DOCK2: variants seen among roughly 807,000 people sequenced by gnomAD.
DOCK2 encodes the protein dedicator of cytokinesis 2, also known as dedicator of cytokinesis protein 2.
A neutral mutation model predicts 248.9 loss-of-function variants in DOCK2; 87 were observed. The observed-to-expected ratio is 0.35, with a 90% confidence interval of 0.29 to 0.42. DOCK2 has a LOEUF of 0.42. Ranked by LOEUF, DOCK2 falls within the 10% of genes least tolerant of loss-of-function variation. DOCK2 has a pLI of 1.00. For synonymous variants in DOCK2, 805 were observed against 821.6 expected (o/e 0.98, Z 0.35); for missense variants, 1,747 against 2,300.2 (o/e 0.76, Z 4.92).
chr5:169,849,382 C>A (rs182454668), intron 27 of DOCK2, among the ~76,000 whole-genome samples: 7 of 152,278 alleles, frequency 4.6e-5, no homozygotes, highest in East Asian at 1.9e-4. Context: ...GTTTTGGAGT[C>A]GCTGCCCTTA....
intron 25 of DOCK2, among the ~76,000 whole-genome samples, chr5:169,786,537 C>G (rs1765992548): frequency 1.3e-5 from 2 of 152,226 alleles, no homozygotes. Flanking sequence ...GAGCTGCCCT[C>G]TCTTGATGGC....
intron 26 of DOCK2, among the ~76,000 whole-genome samples, chr5:169,833,222 T>A (rs909466110): frequency 1.3e-5 from 2 of 152,196 alleles, no homozygotes; most frequent in African/African-American, 4.8e-5. Context: ...TGTATCACTA[T>A]CAGGTATATG....
At chr5:170,079,335 G>C in intron 49 of DOCK2, 189 bp downstream of exon 49, 9 of 712,402 alleles carry the variant, frequency 1.3e-5, no homozygotes, top group South Asian at 1.9e-5. Context: ...AGCTGGGGTG[G>C]CTGGGACATG....
intron 14 of DOCK2, among the ~76,000 whole-genome samples, chr5:169,704,801 G>GTT (rs1561618608): frequency 1.4e-5 from 2 of 138,362 alleles, no homozygotes; most frequent in Non-Finnish European, 3.1e-5. Flanking sequence ...GTGTGTGTGT[G>GTT]TGTGTATGTG....
At chr5:170,022,785 T>G (rs1428201624) in intron 33 of DOCK2, among the ~76,000 whole-genome samples, 2 of 152,204 alleles carry the variant, frequency 1.3e-5, no homozygotes, top group Non-Finnish European at 1.5e-5. Flanking sequence ...AAAGCTGGTC[T>G]CTCAGTCCTG....
chr5:169,701,945 A>G (rs1307829364), intron 13 of DOCK2, among the ~76,000 whole-genome samples: 1 of 152,146 alleles, frequency 6.6e-6, no homozygotes, highest in African/African-American at 2.4e-5. Context: ...GCAGATGTAT[A>G]TGTTTGGTTG....
chr5:169,835,995 A>T (rs1769557935), intron 26 of DOCK2, among the ~76,000 whole-genome samples: 2 of 152,136 alleles, frequency 1.3e-5, no homozygotes, highest in Admixed American at 1.3e-4. Flanking sequence ...GGCTCATGCA[A>T]TCTTCCCGCC....
At chr5:169,843,657 C>T (rs988414885) in intron 27 of DOCK2, among the ~76,000 whole-genome samples, 13 of 152,190 alleles carry the variant, frequency 8.5e-5, no homozygotes, top group Admixed American at 2.0e-4. Flanking sequence ...CACCGTAATT[C>T]AGTTTAGAGT....
intron 26 of DOCK2, among the ~76,000 whole-genome samples, chr5:169,806,849 A>T (rs865933129): frequency 1.5e-5 from 1 of 67,812 alleles, no homozygotes. Flanking sequence ...CCAGTGCCCC[A>T]CCTCCACCCC....
chr5:169,915,626 GAC>G (rs1291551972), intron 27 of DOCK2, among the ~76,000 whole-genome samples: 1 of 151,682 alleles, frequency 6.6e-6, no homozygotes, highest in Non-Finnish European at 1.5e-5. Flanking sequence ...GAGAGAGAGA[GAC>G]AGAGACAGAC....
chr5:169,996,872 T>C (rs1191262156), intron 30 of DOCK2, among the ~76,000 whole-genome samples: 1 of 152,148 alleles, frequency 6.6e-6, no homozygotes, highest in African/African-American at 2.4e-5. Context: ...GTTTTTTCCT[T>C]GCTGTAGGGG....
Position 169,776,143 on chromosome 5 carries a change from TTATATTTATATAAATATA to T in DOCK2, c.2554+14542_2554+14559del, listed in dbSNP as rs1251530699. Among the ~76,000 whole-genome samples the T allele has an allele frequency of 1.2e-3, 146 of 124,930 alleles. 1 individual carries two copies. The highest frequency in any genetic ancestry group is 4.2e-3 in the African/African-American group (124 of 29,538). The allele number at this position is 124,930 out of a possible 152,430, so 82.0% of individuals were successfully genotyped here. A position where few individuals can be genotyped will look rare whatever the true frequency, so the allele number is the denominator to read the frequency against. On this transcript the variant is annotated intron_variant, in intron 25 of 51. Coordinates refer to ENST00000520908, the MANE Select transcript of DOCK2 (RefSeq NM_004946.3). ...TATATATGATATGATATGAATCATA[TTATATTTATATAAATATA>T]TATATTTATATAAATATATATATAT...
intron 27 of DOCK2, among the ~76,000 whole-genome samples, chr5:169,894,627 T>A (rs1317334225): frequency 6.6e-6 from 1 of 152,212 alleles, no homozygotes; most frequent in Non-Finnish European, 1.5e-5. Context: ...ACAAGCAGTT[T>A]GCAAAAGCGC....
intron 27 of DOCK2, among the ~76,000 whole-genome samples, chr5:169,913,470 T>G (rs1774714729): frequency 6.6e-6 from 1 of 152,240 alleles, no homozygotes; most frequent in South Asian, 2.1e-4. Flanking sequence ...AGTAAAGTAC[T>G]GTTTGGTCCT....
At chr5:169,744,939 C>A (rs1273750715) in intron 22 of DOCK2, among the ~76,000 whole-genome samples, 1 of 152,138 alleles carries the variant, frequency 6.6e-6, no homozygotes, top group Non-Finnish European at 1.5e-5. Flanking sequence ...ACAGAAAGAG[C>A]CCATGTGTCT....
chr5:170,005,418 G>A (rs1470422501), intron 30 of DOCK2, among the ~76,000 whole-genome samples: 2 of 152,180 alleles, frequency 1.3e-5, no homozygotes, highest in Non-Finnish European at 2.9e-5. Context: ...GGTACTTGTG[G>A]AGCTTACAGT....
At chr5:169,841,786 C>T (rs76669709) in intron 27 of DOCK2, among the ~76,000 whole-genome samples, 14,295 of 152,192 alleles carry the variant, frequency 0.094, 911 homozygotes, top group East Asian at 0.35. Flanking sequence ...TACGTATAAT[C>T]GGAAATATAC....
chr5:169,777,370 C>G (rs914787668), intron 25 of DOCK2, among the ~76,000 whole-genome samples: 1 of 152,120 alleles, frequency 6.6e-6, no homozygotes, highest in Admixed American at 6.5e-5. Flanking sequence ...CACTTAAATG[C>G]GACCACACTG....
At chr5:169,971,188 C>CAAAA (rs34023676) in intron 27 of DOCK2, among the ~76,000 whole-genome samples, 35,500 of 143,374 alleles carry the variant, frequency 0.25, 4,396 homozygotes, top group Admixed American at 0.31. Context: ...GAAAGAAAGG[C>CAAAA]AAAAAAAAAA....
Sources: gnomAD v4.1 joint callset for allele counts (sites outside exome capture counted in the v4.1 genomes callset) on GRCh38, gnomAD v4.1.1 for gene constraint, MANE v1.5 for transcripts, NCBI Gene and HGNC (gene_info 2026-07-23, HGNC 2026-07-21) for gene names.